Variants in ITM2B observed in about 807,000 individuals in gnomAD.
ITM2B encodes integral membrane protein 2B.
A neutral mutation model predicts 27.8 loss-of-function variants in ITM2B; 11 were observed. The ratio of observed to expected loss-of-function variants is 0.40; its 90% CI spans 0.25 to 0.66. ITM2B has a LOEUF of 0.66. Among genes scored for constraint, ITM2B ranks in the 30% least tolerant of loss-of-function variants. The probability of loss-of-function intolerance (pLI) is 0.43; values close to 1 mark genes in which losing one functional copy is unlikely to be tolerated. For synonymous variants in ITM2B, 114 were observed against 114.3 expected, an observed-to-expected ratio of 1.00 and a Z score of 0.02; for missense variants, 296 against 328.9, an observed-to-expected ratio of 0.90 and a Z score of 0.77.
intron 1 of ITM2B, 110 bp from the exon 2 acceptor site, chr13:48,253,698 T>C: frequency 9.1e-7 from 1 of 1,104,648 alleles, no homozygotes; most frequent in Non-Finnish European, 1.4e-6. Flanking sequence ...ACTCCTTTGG[T>C]CTTTGTGTCT....
intron 1 of ITM2B, among the ~76,000 whole-genome samples, chr13:48,241,839 G>A (rs1185418459): frequency 6.6e-6 from 1 of 152,180 alleles, no homozygotes; most frequent in Admixed American, 6.5e-5. Flanking sequence ...CATAGCGAGA[G>A]AATGAAAGTG....
chr13:48,255,994 A>G (rs1248710449), intron 2 of ITM2B, among the ~76,000 whole-genome samples, 183 bp from the exon 3 acceptor site: 1 of 152,238 alleles, frequency 6.6e-6, no homozygotes. Context: ...GTTCTTTTAC[A>G]GTGCTTCAAA....
chr13:48,244,584 A>G (rs1951715390), intron 1 of ITM2B, among the ~76,000 whole-genome samples: 1 of 152,220 alleles, frequency 6.6e-6, no homozygotes, highest in African/African-American at 2.4e-5. Flanking sequence ...AGATGAATAT[A>G]CTTGGAATTT....
chr13:48,265,846 T>A lies in ITM2B; in HGVS notation c.*4622T>A, dbSNP rs1463538861. ...CCTGAACCATTAGGAAAGGCTTCTC[T>A]TGTTTCTCAGTCTCATAGCATCATC... On this transcript the variant is annotated 3_prime_UTR_variant, in exon 6 of 6. Transcript: ENST00000647800. 3 of 152,196 alleles carry A rather than the reference T, an allele frequency of 2.0e-5. No individual in the cohort carries two copies. The highest frequency in any genetic ancestry group is 4.4e-5 in the Non-Finnish European group (3 of 68,038). 9.4% of individuals were successfully genotyped at this position (152,196 alleles called of 1,614,324 possible).
At chr13:48,242,178 CATT>C (rs1951703281) in intron 1 of ITM2B, among the ~76,000 whole-genome samples, 1 of 152,130 alleles carries the variant, frequency 6.6e-6, no homozygotes, top group African/African-American at 2.4e-5. Context: ...TTAACATAAA[CATT>C]AGTTACATTT....
intron 1 of ITM2B, among the ~76,000 whole-genome samples, chr13:48,250,714 A>G (rs546127054): frequency 6.6e-6 from 1 of 152,328 alleles, no homozygotes; most frequent in South Asian, 2.1e-4. Flanking sequence ...CCAGTAATGC[A>G]AAATGAATAT....
rs1333967255 is a variant in ITM2B at position 48,263,437 on chromosome 13, T to A, written c.*2213T>A. On this transcript the variant is annotated 3_prime_UTR_variant, in exon 6 of 6. Coordinates refer to ENST00000647800, the MANE Select transcript of ITM2B (RefSeq NM_021999.5). ...AACCCTTGTGCCATGCTGGAAACTG[T>A]GGTCTTGGTGTGGCATGGAAAAACC... The A allele has an allele frequency of 6.6e-6, 1 of 152,094 alleles. No homozygotes were observed. The highest frequency in any genetic ancestry group is 1.5e-5 in the Non-Finnish European group (1 of 68,034). The allele number at this position is 152,094 out of a possible 1,614,324, so 9.4% of individuals were successfully genotyped here.
At chr13:48,235,855 C>T (rs1309780609) in intron 1 of ITM2B, among the ~76,000 whole-genome samples, 2 of 152,154 alleles carry the variant, frequency 1.3e-5, no homozygotes, top group Non-Finnish European at 2.9e-5. Flanking sequence ...TCCCGCAGAC[C>T]ATTGTTTTCC....
intron 5 of ITM2B, 95 bp from the exon 6 acceptor site, chr13:48,261,044 T>C (rs1951818727): frequency 3.6e-6 from 3 of 823,558 alleles, no homozygotes; most frequent in Non-Finnish European, 6.0e-6. Context: ...TAGAGTGAAA[T>C]ACTTCTATAT....
In ITM2B at chr13:48,263,867, T is replaced by G. The variant is rs1403015439; in HGVS notation, c.*2643T>G. ...GCCCCATTTCCTAATACTGTCACCT[T>G]GGGGGTAAGGATTTCAACATGAATT... On this transcript the variant is annotated 3_prime_UTR_variant, in exon 6 of 6. Coordinates refer to ENST00000647800, the MANE Select transcript of ITM2B (RefSeq NM_021999.5). 1 of 152,114 alleles carries G rather than the reference T, an allele frequency of 6.6e-6. No homozygotes were observed. Among genetic ancestry groups the G allele is most frequent in the Non-Finnish European group, 1.5e-5 (1 of 68,066 alleles). The allele number at this position is 152,114 out of a possible 1,614,324, so 9.4% of individuals were successfully genotyped here. A position where few individuals can be genotyped will look rare whatever the true frequency, so the allele number is the denominator to read the frequency against.
intron 1 of ITM2B, among the ~76,000 whole-genome samples, chr13:48,253,318 G>T (rs1374794145): frequency 6.6e-6 from 1 of 151,906 alleles, no homozygotes; most frequent in African/African-American, 2.4e-5. Flanking sequence ...CTTGTGGATG[G>T]TTTAGAATAG....
At position 48,247,982 on chromosome 13, in the gene ITM2B, CA is replaced by C. The variant is rs1951733418; in HGVS notation, c.118-5825del. 4.6e-5 allele frequency among the ~76,000 whole-genome samples: 7 copies of C among 151,516 alleles called. No individual in the cohort carries two copies. In the South Asian group the frequency reaches 1.5e-3, roughly 32 times the overall value. ...CTTTTAAGCGCGATGCAAGGTGCAC[CA>C]GTTTTATTGCAGTAGAAGGGAGGAA... On this transcript the variant is annotated intron_variant, in intron 1 of 5. Transcript: ENST00000647800.
intron 2 of ITM2B, among the ~76,000 whole-genome samples, chr13:48,255,263 G>A (rs552849714): frequency 6.6e-5 from 10 of 151,650 alleles, no homozygotes; most frequent in African/African-American, 2.2e-4. Flanking sequence ...GTGCGCGCGC[G>A]TGTGCGTGCG....
Position 48,265,962 on chromosome 13 carries a change from C to A in ITM2B, c.*4738C>A, listed in dbSNP as rs1235534119. The A allele has an allele frequency of 1.3e-5, 2 of 152,148 alleles. No individual in the cohort carries two copies. 9.4% of individuals were successfully genotyped at this position (152,148 alleles called of 1,614,324 possible). A position where few individuals can be genotyped will look rare whatever the true frequency, so the allele number is the denominator to read the frequency against. ...AATAGATTTCCACCACTAGACTGCT[C>A]AATACGTTAGTAGGGCACCTGACAC... is the stretch of plus-strand genomic sequence containing the variant. On this transcript the variant is annotated 3_prime_UTR_variant, in exon 6 of 6. Coordinates refer to ENST00000647800, the MANE Select transcript of ITM2B (RefSeq NM_021999.5).
chr13:48,242,661 T>G (rs1235713465), intron 1 of ITM2B, among the ~76,000 whole-genome samples: 1 of 152,190 alleles, frequency 6.6e-6, no homozygotes, highest in Non-Finnish European at 1.5e-5. Flanking sequence ...TTAGCATTCA[T>G]TTTTCTCTCA....
intron 3 of ITM2B, among the ~76,000 whole-genome samples, chr13:48,256,749 T>C (rs1220666196): frequency 6.6e-6 from 1 of 152,260 alleles, no homozygotes; most frequent in Non-Finnish European, 1.5e-5. Context: ...GTTCTCATTC[T>C]ATATTTTTCC....
intron 1 of ITM2B, among the ~76,000 whole-genome samples, chr13:48,248,153 T>C (rs986439791): frequency 1.3e-5 from 2 of 152,222 alleles, no homozygotes; most frequent in East Asian, 1.9e-4. Context: ...GTATATTTTA[T>C]ATGTTTTGAA....
intron 1 of ITM2B, among the ~76,000 whole-genome samples, chr13:48,250,155 G>A (rs779051518): frequency 3.3e-5 from 5 of 152,142 alleles, no homozygotes; most frequent in Admixed American, 1.3e-4. Context: ...ATTGCAAATA[G>A]CAAGCCTTAC....
chr13:48,247,283 GTAAC>G (rs1951730041), intron 1 of ITM2B, among the ~76,000 whole-genome samples: 4 of 152,072 alleles, frequency 2.6e-5, no homozygotes, highest in African/African-American at 7.2e-5. Flanking sequence ...ATGTTTCTGA[GTAAC>G]TAAATCTATT....
Sources: gnomAD v4.1 joint callset for allele counts (sites outside exome capture counted in the v4.1 genomes callset) on GRCh38, gnomAD v4.1.1 for gene constraint, MANE v1.5 for transcripts, NCBI Gene and HGNC (gene_info 2026-07-23, HGNC 2026-07-21) for gene names.